HTR2C: variants seen among roughly 807,000 people sequenced by gnomAD.
HTR2C encodes 5-hydroxytryptamine (serotonin) receptor 2C, G protein-coupled.
HTR2C carries 5 observed loss-of-function variants against 21.0 expected under a neutral mutation model. The observed-to-expected ratio is 0.24, with a 90% CI of 0.12 to 0.50. The LOEUF is 0.50. Ranked by LOEUF, HTR2C falls within the 20% of genes least tolerant of loss-of-function variation. The pLI, the probability that HTR2C is intolerant of heterozygous loss-of-function variation, is 0.98. For missense variants in HTR2C, 271 were observed against 371.2 expected (o/e 0.73, Z 2.22); for synonymous variants, 150 against 145.3 (o/e 1.03, Z -0.23).
intron 2 of HTR2C, among the ~76,000 whole-genome samples, chrX:114,622,827 A>G (rs1929217869): frequency 1.8e-5 from 2 of 112,104 alleles, no homozygotes; most frequent in African/African-American, 6.5e-5. Flanking sequence ...TTAATCTTCC[A>G]TCTTCCAGAC....
intron 2 of HTR2C, among the ~76,000 whole-genome samples, chrX:114,723,327 T>C (rs1345970490): frequency 9.0e-6 from 1 of 111,707 alleles, no homozygotes. Flanking sequence ...TATTCTCTGA[T>C]GGTAGTTTGT....
chrX:114,878,357 A>C (rs1275357824), intron 5 of HTR2C, among the ~76,000 whole-genome samples: 1 of 110,652 alleles, frequency 9.0e-6, no homozygotes, highest in Non-Finnish European at 1.9e-5. Context: ...CAATAATAGG[A>C]AATCAATATT....
intron 5 of HTR2C, among the ~76,000 whole-genome samples, chrX:114,871,996 C>T (rs1556476661): frequency 3.9e-5 from 2 of 51,170 alleles, no homozygotes; most frequent in African/African-American, 9.7e-5. Flanking sequence ...TTTGTCATTT[C>T]CCCTCTTTTT....
intron 5 of HTR2C, among the ~76,000 whole-genome samples, chrX:114,895,817 A>C (rs1383687594): frequency 1.8e-5 from 2 of 110,378 alleles, no homozygotes; most frequent in Non-Finnish European, 3.8e-5. Flanking sequence ...GTGAAACCTT[A>C]TCTCTACTAA....
intron 2 of HTR2C, among the ~76,000 whole-genome samples, chrX:114,644,358 AATAAATATATATATATATATATAT>A (rs1194920314): frequency 7.9e-4 from 13 of 16,523 alleles, no homozygotes; most frequent in African/African-American, 2.5e-3. Flanking sequence ...TAAATAAATA[AATAAATATATATATATATATATAT>A]ATATATATAT....
intron 4 of HTR2C, among the ~76,000 whole-genome samples, chrX:114,773,016 A>G (rs2070021441): frequency 9.0e-6 from 1 of 111,701 alleles, no homozygotes; most frequent in African/African-American, 3.3e-5. Flanking sequence ...GTGAAATGAG[A>G]GGACTGGGTT....
intron 2 of HTR2C, among the ~76,000 whole-genome samples, chrX:114,685,604 T>A (rs1008710068): frequency 1.8e-5 from 2 of 112,118 alleles, no homozygotes; most frequent in Middle Eastern, 4.6e-3. Flanking sequence ...CCAGAGGGAT[T>A]GTCAATCTCT....
At chrX:114,827,864 A>T (rs1556459074) in intron 4 of HTR2C, among the ~76,000 whole-genome samples, 5 of 111,112 alleles carry the variant, frequency 4.5e-5, no homozygotes, top group African/African-American at 1.6e-4. Context: ...AAGATATGCA[A>T]CTTTCAATGT....
intron 5 of HTR2C, among the ~76,000 whole-genome samples, chrX:114,865,581 G>A (rs1436670224): frequency 9.0e-6 from 1 of 111,304 alleles, no homozygotes; most frequent in Non-Finnish European, 1.9e-5. Flanking sequence ...TCCAGTTGGT[G>A]TATAGAGATC....
chrX:114,780,589 GGA>G (rs1216085417), intron 4 of HTR2C, among the ~76,000 whole-genome samples: 2 of 111,297 alleles, frequency 1.8e-5, no homozygotes, highest in African/African-American at 6.5e-5. Flanking sequence ...ATTGAGGGGA[GGA>G]GTAAACCTGT....
chrX:114,785,871 A>G (rs1211454763), intron 4 of HTR2C, among the ~76,000 whole-genome samples: 5 of 112,370 alleles, frequency 4.4e-5, no homozygotes, highest in Non-Finnish European at 7.5e-5. Context: ...CAAAAACTGT[A>G]TGACACCTGG....
chrX:114,733,122 A>C (rs1187288473), intron 4 of HTR2C, among the ~76,000 whole-genome samples: 1 of 111,505 alleles, frequency 9.0e-6, no homozygotes, highest in Non-Finnish European at 1.9e-5. Flanking sequence ...AAACCACCAC[A>C]GGTGGCCGGG....
intron 2 of HTR2C, among the ~76,000 whole-genome samples, chrX:114,662,417 G>A (rs1931024031): frequency 1.8e-5 from 2 of 111,139 alleles, no homozygotes; most frequent in African/African-American, 6.5e-5. Flanking sequence ...ACAGTATGTT[G>A]TGTTTCTCTG....
chrX:114,827,197 G>A (rs188069166), intron 4 of HTR2C, among the ~76,000 whole-genome samples: 1 of 111,308 alleles, frequency 9.0e-6, no homozygotes, highest in East Asian at 2.8e-4. Context: ...CTGCTCCAAT[G>A]AGTATTTCCC....
chrX:114,795,866 C>A (rs922192103), intron 4 of HTR2C, among the ~76,000 whole-genome samples: 14 of 111,135 alleles, frequency 1.3e-4, no homozygotes, highest in African/African-American at 3.9e-4. Flanking sequence ...ACCAACTCAC[C>A]ACAAATCAAA....
intron 2 of HTR2C, among the ~76,000 whole-genome samples, chrX:114,684,208 T>C (rs2147856482): frequency 8.9e-6 from 1 of 111,934 alleles, no homozygotes; most frequent in South Asian, 3.7e-4. Context: ...TCTTAGAACT[T>C]TCCTGAAGTG....
chrX:114,591,338 G>T (rs1385014586), intron 1 of HTR2C, among the ~76,000 whole-genome samples: 1 of 111,757 alleles, frequency 8.9e-6, no homozygotes, highest in Non-Finnish European at 1.9e-5. Context: ...AAGCAGAAAT[G>T]AGCTGGTTTC....
intron 2 of HTR2C, among the ~76,000 whole-genome samples, chrX:114,623,008 A>C (rs1929224324): frequency 8.9e-6 from 1 of 111,732 alleles, no homozygotes; most frequent in African/African-American, 3.3e-5. Flanking sequence ...TAGTAAACTT[A>C]ATAGGGTTTA....
At chrX:114,716,234 G>T (rs181535087) in intron 2 of HTR2C, among the ~76,000 whole-genome samples, 54 of 112,930 alleles carry the variant, frequency 4.8e-4, no homozygotes, top group African/African-American at 1.6e-3. Flanking sequence ...ATCATAGAGT[G>T]ATTTGCAATA....
Sources: gnomAD v4.1 joint callset for allele counts (sites outside exome capture counted in the v4.1 genomes callset) on GRCh38, gnomAD v4.1.1 for gene constraint, MANE v1.5 for transcripts, NCBI Gene and HGNC (gene_info 2026-07-23, HGNC 2026-07-21) for gene names.